HPX: variants seen among roughly 807,000 people sequenced by gnomAD.
HPX encodes the protein hemopexin, also known as beta-1B-glycoprotein.
HPX carries 42 observed loss-of-function variants against 53.8 expected under a neutral mutation model. That is an observed-to-expected ratio of 0.78 (90% CI 0.61 to 1.01). HPX has a LOEUF of 1.01. Among genes scored for constraint, HPX ranks in the 50% least tolerant of loss-of-function variants. HPX has a pLI of 0.00. For missense variants in HPX, 547 were observed against 594.3 expected, an observed-to-expected ratio of 0.92 and a Z score of 0.83; for synonymous variants, 229 against 221.1, an observed-to-expected ratio of 1.04 and a Z score of -0.32.
chr11:6,433,560 T>C (rs1849377884), intron 7 of HPX, among the ~76,000 whole-genome samples: 1 of 152,276 alleles, frequency 6.6e-6, no homozygotes, highest in African/African-American at 2.4e-5. Flanking sequence ...GCTATCATCC[T>C]AGTCCAAGCG....
intron 4 of HPX, among the ~76,000 whole-genome samples, chr11:6,439,319 C>T (rs1375185163): frequency 1.3e-5 from 2 of 152,132 alleles, no homozygotes; most frequent in Non-Finnish European, 2.9e-5. Context: ...ACCCTGTGTG[C>T]ACTTGGTTTG....
intron 3 of HPX, 52 bp from the exon 4 acceptor site, chr11:6,440,338 T>A (rs375443054): frequency 2.4e-5 from 39 of 1,608,836 alleles, no homozygotes; most frequent in Non-Finnish European, 1.7e-6. Context: ...TTTGACCTAC[T>A]GAGATAGCTT....
chr11:6,440,105 G>A (rs925123379), intron 4 of HPX, 60 bp downstream of exon 4: 2 of 1,609,646 alleles, frequency 1.2e-6, no homozygotes, highest in Non-Finnish European at 1.7e-6. Context: ...TTTGGGGGAA[G>A]GGTCCCCAGT....
At chr11:6,437,999 G>A (rs1236127079) in intron 5 of HPX, 2 of 493,420 alleles carry the variant, frequency 4.1e-6, no homozygotes. Flanking sequence ...AATAGCATAG[G>A]GTTTCTGGAG....
chr11:6,431,199 T>C lies in HPX; in HGVS notation c.*12A>G. The C allele has an allele frequency of 6.2e-7, 1 of 1,613,938 alleles. No homozygotes were observed. The highest frequency in any genetic ancestry group is 1.1e-5 in the South Asian group (1 of 91,074). ...GAGGTGGGGCCAGGCCAGACTCATG[T>C]CAGAAGGCCCCTCAGTGAGTGCAGC... On this transcript the variant is annotated 3_prime_UTR_variant, in exon 10 of 10. Transcript: ENST00000265983.
At chr11:6,433,673 C>T (rs969032490) in intron 7 of HPX, among the ~76,000 whole-genome samples, 1 of 152,212 alleles carries the variant, frequency 6.6e-6, no homozygotes, top group Non-Finnish European at 1.5e-5. Flanking sequence ...TCAGAGTGAT[C>T]TTTTATAAAA....
Position 6,440,463 on chromosome 11 carries a change from C to T in HPX, c.214+4G>A, listed in dbSNP as rs752453795. The T allele has an allele frequency of 2.5e-6, 4 of 1,610,456 alleles. No individual in the cohort carries two copies. The highest frequency in any genetic ancestry group is 3.4e-6 in the Non-Finnish European group (4 of 1,178,692). ...CTAAACGCCCTAACCTCAGTCCCTC[C>T]TACCTTTAAAAAACAGCATGGTTCC... is the stretch of plus-strand genomic sequence containing the variant. On this transcript the variant is annotated splice_donor_region_variant and intron_variant, in intron 3 of 9. Coordinates refer to ENST00000265983, the MANE Select transcript of HPX (RefSeq NM_000613.3).
rs766059907 is a variant in HPX at position 6,440,444 on chromosome 11, G to A, written c.214+23C>T. Reference sequence around the variant, plus strand: ...GGAGAGTAAGTCTAAGGTCCTAAACGCCCTAACCTCAGTCCCTCCTACCTT... The same window carrying A: ...GGAGAGTAAGTCTAAGGTCCTAAACACCCTAACCTCAGTCCCTCCTACCTT... On this transcript the variant is annotated intron_variant, in intron 3 of 9. Coordinates refer to ENST00000265983, the MANE Select transcript of HPX (RefSeq NM_000613.3). The A allele has an allele frequency of 6.2e-6, 10 of 1,602,854 alleles. No individual in the cohort carries two copies. The highest frequency in any genetic ancestry group is 4.5e-5 in the East Asian group (2 of 44,808).
intron 6 of HPX, 56 bp downstream of exon 6, chr11:6,437,384 A>G (rs1849429371): frequency 6.6e-7 from 1 of 1,505,840 alleles, no homozygotes; most frequent in Non-Finnish European, 9.2e-7. Flanking sequence ...TGAGATCCAC[A>G]AGCTCAGGGA....
At chr11:6,438,720 C>T (rs1849449208) in intron 4 of HPX, among the ~76,000 whole-genome samples, 1 of 152,168 alleles carries the variant, frequency 6.6e-6, no homozygotes, top group Admixed American at 6.5e-5. Flanking sequence ...AACACACATG[C>T]CTCTAGCTCT....
chr11:6,440,934 T>G lies in HPX; in HGVS notation c.30A>C (p.Ala10=). ...ACCAGCATAGGCTCCACAACCCCAG[T>G]GCAACGGGTGCTCCCAGTACCCTAG... MARVLGAPV[A]LGLWSLCWSL... The change falls in exon 1 of 10, where the codon GCA becomes GCC. Residue 10 remains alanine, a synonymous_variant. Coordinates refer to ENST00000265983, the MANE Select transcript of HPX (RefSeq NM_000613.3). 6.2e-7 allele frequency: 1 copy of G among 1,609,916 alleles called. No individual in the cohort carries two copies.
At chr11:6,436,682 CA>C (rs1317989656) in intron 7 of HPX, among the ~76,000 whole-genome samples, 1 of 152,096 alleles carries the variant, frequency 6.6e-6, no homozygotes, top group Non-Finnish European at 1.5e-5. Flanking sequence ...TATGCAAGAA[CA>C]AAGGGAGGCA....
rs962812565 is a variant in HPX, at chr11:6,438,499, A to C, written c.347T>G (p.Val116Gly). The C allele has an allele frequency of 6.2e-7, 1 of 1,613,998 alleles. No homozygotes were observed. The change falls in exon 5 of 10, where the codon GTC (valine) becomes GGC (glycine). Residue 116 changes from valine (V) to glycine (G), a missense_variant. By Grantham distance (109) the Val-to-Gly change is moderately radical (BLOSUM62 -3). Coordinates refer to ENST00000265983, the MANE Select transcript of HPX (RefSeq NM_000613.3). ...NSVFLIKGDK[V>G]WVYPPEKKEK... is the part of the protein sequence containing the mutation. Reference sequence around the variant, plus strand: ...CTTCTTTTCAGGAGGGTATACCCAGACTTTGTCCCCCTGCATTCAAAAGTA... The same window carrying C: ...CTTCTTTTCAGGAGGGTATACCCAGCCTTTGTCCCCCTGCATTCAAAAGTA...
At chr11:6,435,749 C>A (rs1240510376) in intron 7 of HPX, among the ~76,000 whole-genome samples, 3 of 152,254 alleles carry the variant, frequency 2.0e-5, no homozygotes, top group Non-Finnish European at 1.5e-5. Context: ...ACTCACCACG[C>A]CCGGCCTGGG....
intron 4 of HPX, 96 bp downstream of exon 4, chr11:6,440,069 T>C: frequency 6.7e-7 from 1 of 1,495,216 alleles, no homozygotes; most frequent in Non-Finnish European, 9.3e-7. Context: ...CTGCTACCTA[T>C]TGCTATGGGC....
Position 6,440,695 on chromosome 11 carries a change from G to A in HPX, c.119C>T (p.Thr40Ile). ...SAHGNVAEGETKPDPDVTERC... is the reference protein window; with the variant it reads ...SAHGNVAEGEIKPDPDVTERC... ...ACCAGTCACGTCTGGGTCTGGCTTG[G>A]TCTCGCCTTCAGCAACATTCCCATG... The change falls in exon 2 of 10, where the codon ACC (threonine) becomes ATC (isoleucine). Residue 40 changes from threonine to isoleucine, a missense_variant. By Grantham distance (89) the Thr-to-Ile change is moderately conservative (BLOSUM62 -1). Coordinates refer to ENST00000265983, the MANE Select transcript of HPX (RefSeq NM_000613.3). The A allele has an allele frequency of 6.2e-7, 1 of 1,613,474 alleles. No homozygotes were observed. Among genetic ancestry groups the A allele is most frequent in the African/African-American group, 1.3e-5 (1 of 74,798 alleles).
At chr11:6,435,045 A>G (rs1461388115) in intron 7 of HPX, among the ~76,000 whole-genome samples, 1 of 152,182 alleles carries the variant, frequency 6.6e-6, no homozygotes, top group Non-Finnish European at 1.5e-5. Context: ...CCTGGCCAAC[A>G]TGGTGAAACC....
chr11:6,440,587 A>C (rs1477011746), intron 2 of HPX, 49 bp from the exon 3 acceptor site: 10 of 1,477,598 alleles, frequency 6.8e-6, no homozygotes, highest in African/African-American at 1.4e-5. Context: ...AAAAAAAAAA[A>C]AAAAAAAAAA....
Position 6,440,907 on chromosome 11 carries a change from A to G in HPX, c.57T>C (p.Ser19=), listed in dbSNP as rs773119484. ...GAGGAAGAGGGGTGGCAATGGCCAG[A>G]GACCAGCATAGGCTCCACAACCCCA... is the stretch of plus-strand genomic sequence containing the variant. ...VALGLWSLCW[S]LAIATPLPPT... Residue 19 remains serine, a synonymous_variant, in exon 1 of 10, where the codon TCT becomes TCC. Transcript: ENST00000265983. The G allele has an allele frequency of 4.3e-6, 7 of 1,613,068 alleles. No individual in the cohort carries two copies. The highest frequency in any genetic ancestry group is 5.9e-6 in the Non-Finnish European group (7 of 1,179,506).
Sources: gnomAD v4.1 joint callset for allele counts (sites outside exome capture counted in the v4.1 genomes callset) on GRCh38, gnomAD v4.1.1 for gene constraint, MANE v1.5 for transcripts, NCBI Gene and HGNC (gene_info 2026-07-23, HGNC 2026-07-21) for gene names.